The following RICTOR variants were observed in gnomAD, a reference collection of about 807,000 sequenced individuals.
RICTOR encodes the protein rapamycin-insensitive companion of mTOR.
A neutral mutation model predicts 214.9 loss-of-function variants in RICTOR; 49 were observed. The ratio of observed to expected loss-of-function variants is 0.23; its 90% CI spans 0.18 to 0.29. The LOEUF is 0.29. Among genes scored for constraint, RICTOR ranks in the 10% least tolerant of loss-of-function variants. RICTOR has a pLI of 1.00. For synonymous variants in RICTOR, 717 were observed against 711.3 expected, an observed-to-expected ratio of 1.01 and a Z score of -0.13; for missense variants, 1,625 against 2,047.0, an observed-to-expected ratio of 0.79 and a Z score of 3.98.
At chr5:38,983,172 T>A (rs1446039047) in intron 7 of RICTOR, among the ~76,000 whole-genome samples, 1 of 152,192 alleles carries the variant, frequency 6.6e-6, no homozygotes, top group Non-Finnish European at 1.5e-5. Context: ...TTGTGTCTTC[T>A]TAAGAACCAA....
intron 5 of RICTOR, among the ~76,000 whole-genome samples, chr5:38,998,537 C>T (rs768224727): frequency 5.9e-5 from 9 of 151,826 alleles, no homozygotes; most frequent in Admixed American, 6.6e-5. Context: ...ATATGAGGCA[C>T]GGTTTAAAAC....
chr5:38,947,235 T>C (rs756296293), intron 32 of RICTOR, 29 bp downstream of exon 32: 6 of 1,539,554 alleles, frequency 3.9e-6, no homozygotes, highest in Non-Finnish European at 4.4e-6. Flanking sequence ...AACCAACTCA[T>C]AGGAAAACAA....
chr5:39,017,920 T>C (rs1361452078), intron 3 of RICTOR, among the ~76,000 whole-genome samples: 1 of 152,088 alleles, frequency 6.6e-6, no homozygotes, highest in Non-Finnish European at 1.5e-5. Flanking sequence ...GGGGCTAAAA[T>C]AGTGCATTTT....
chr5:39,074,169 C>A lies in RICTOR; in HGVS notation c.50-11G>T. ...CGCTGTCATTCCGCCCTGCGCGAAA[C>A]AGACACACAGCCCCAATTAGGATTG... On this transcript the variant is annotated splice_polypyrimidine_tract_variant and intron_variant, in intron 1 of 37. Coordinates refer to ENST00000357387, the MANE Select transcript of RICTOR (RefSeq NM_152756.5). 6.3e-7 allele frequency: 1 copy of A among 1,590,388 alleles called. No homozygotes were observed. Among genetic ancestry groups the A allele is most frequent in the Non-Finnish European group, 8.5e-7 (1 of 1,169,770 alleles).
intron 7 of RICTOR, among the ~76,000 whole-genome samples, chr5:38,986,857 T>C (rs934390464): frequency 6.6e-6 from 1 of 152,202 alleles, no homozygotes; most frequent in African/African-American, 2.4e-5. Context: ...TGGCTGTGGA[T>C]TTGTCATAAA....
intron 2 of RICTOR, among the ~76,000 whole-genome samples, chr5:39,060,407 A>C (rs1758464772): frequency 6.6e-6 from 1 of 152,118 alleles, no homozygotes; most frequent in Non-Finnish European, 1.5e-5. Context: ...AAAGTAAAAA[A>C]CAAAGAATTA....
At chr5:39,019,816 T>C (rs1396427516) in intron 3 of RICTOR, among the ~76,000 whole-genome samples, 2 of 152,190 alleles carry the variant, frequency 1.3e-5, no homozygotes, top group African/African-American at 2.4e-5. Flanking sequence ...ACAGCCACCA[T>C]AGACAGTGAT....
intron 9 of RICTOR, among the ~76,000 whole-genome samples, chr5:38,978,009 G>A (rs1166374466): frequency 2.0e-5 from 3 of 152,152 alleles, no homozygotes; most frequent in South Asian, 2.1e-4. Flanking sequence ...ACTAGATAGC[G>A]TATTTAATGG....
chr5:38,957,580 T>A (rs1299230211), intron 25 of RICTOR, 72 bp downstream of exon 25: 3 of 822,336 alleles, frequency 3.6e-6, no homozygotes, highest in Non-Finnish European at 6.1e-6. Context: ...AAAAAAACCA[T>A]CCTCTAAATT....
intron 15 of RICTOR, 67 bp from the exon 16 acceptor site, chr5:38,964,959 T>G: frequency 7.7e-6 from 7 of 911,770 alleles, no homozygotes; most frequent in Non-Finnish European, 1.1e-5. Context: ...ACAGATTACC[T>G]GCACATATAA....
intron 1 of RICTOR, 49 bp downstream of exon 1, chr5:39,074,280 G>C (rs1364608268): frequency 6.4e-7 from 1 of 1,570,074 alleles, no homozygotes; most frequent in Non-Finnish European, 8.6e-7. Context: ...GCAAGTGCCA[G>C]GGGTGGCGGG....
rs1027489077 is a variant in RICTOR at position 38,939,737 on chromosome 5, A to T, written c.*2567T>A. On this transcript the variant is annotated 3_prime_UTR_variant, in exon 38 of 38. Coordinates refer to ENST00000357387, the MANE Select transcript of RICTOR (RefSeq NM_152756.5). Reference sequence around the variant, plus strand: ...TTATATGGACTAAGATTAATCCTAAAATCTTTAAAAACTACAGTATTGACA... The same window carrying T: ...TTATATGGACTAAGATTAATCCTAATATCTTTAAAAACTACAGTATTGACA... 4.4e-6 allele frequency: 1 copy of T among 228,716 alleles called. No individual in the cohort carries two copies. Among genetic ancestry groups the T allele is most frequent in the Admixed American group, 5.7e-5 (1 of 17,618 alleles). The allele number at this position is 228,716 out of a possible 1,614,324, so 14.2% of individuals were successfully genotyped here.
At chr5:39,074,023 G>A in intron 2 of RICTOR, 88 bp downstream of exon 2, 1 of 1,007,132 alleles carries the variant, frequency 9.9e-7, no homozygotes, top group South Asian at 2.7e-5. Flanking sequence ...GTCCCGTGCG[G>A]GGCCCGCCCC....
At chr5:38,962,201 C>A in intron 19 of RICTOR, 114 bp downstream of exon 19, 1 of 430,536 alleles carries the variant, frequency 2.3e-6, no homozygotes, top group Non-Finnish European at 4.2e-6. Context: ...ATTGAAGAGA[C>A]ATTGTTAAAA....
chr5:39,006,591 C>T (rs1362623505), intron 3 of RICTOR, among the ~76,000 whole-genome samples: 1 of 151,322 alleles, frequency 6.6e-6, no homozygotes, highest in Non-Finnish European at 1.5e-5. Flanking sequence ...GAAGCATGGA[C>T]CCTAAGAAAA....
chr5:38,949,402 C>A, intron 31 of RICTOR: 1 of 1,591,318 alleles, frequency 6.3e-7, no homozygotes, highest in Non-Finnish European at 8.5e-7. Context: ...CTGATTCCCC[C>A]GACATGCTTC....
rs146052015 is a variant in RICTOR, at chr5:38,990,086, C to A, written c.583+863G>T. On this transcript the variant is annotated intron_variant, in intron 7 of 37. Transcript: ENST00000357387. ...GTTCACAATACAAAAGGTTTGGAAC[C>A]ACCTCAAATGCCCATCAGTGATAGA... Among the ~76,000 whole-genome samples, 570 of 152,196 alleles carry A rather than the reference C, an allele frequency of 3.7e-3. 5 individuals carry two copies. The highest frequency in any genetic ancestry group is 0.013 in the African/African-American group (545 of 41,530).
intron 5 of RICTOR, among the ~76,000 whole-genome samples, chr5:38,998,908 C>T (rs1007540356): frequency 3.3e-5 from 5 of 150,578 alleles, no homozygotes; most frequent in Admixed American, 2.0e-4. Flanking sequence ...CCCAGCTACT[C>T]GGGAGGCTGA....
At chr5:38,997,685 CT>C (rs1283255683) in intron 5 of RICTOR, among the ~76,000 whole-genome samples, 1 of 151,986 alleles carries the variant, frequency 6.6e-6, no homozygotes, top group Non-Finnish European at 1.5e-5. Context: ...TATAAAACAA[CT>C]GTTAAAAGGG....
Sources: gnomAD v4.1 joint callset for allele counts (sites outside exome capture counted in the v4.1 genomes callset) on GRCh38, gnomAD v4.1.1 for gene constraint, MANE v1.5 for transcripts, NCBI Gene and HGNC (gene_info 2026-07-23, HGNC 2026-07-21) for gene names.